Variants in C18orf54 observed in about 807,000 individuals in gnomAD.
C18orf54 encodes chromosome 18 open reading frame 54, also known as lung adenoma susceptibility protein 2.
A neutral mutation model predicts 49.3 loss-of-function variants in C18orf54; 49 were observed. The observed-to-expected ratio is 0.99, with a 90% confidence interval of 0.79 to 1.26. The LOEUF (loss-of-function observed/expected upper bound fraction) is 1.26, where lower values mean the gene tolerates loss of function less well. C18orf54 is among the 50% of genes most tolerant of loss of function. The pLI is 0.00. For missense variants in C18orf54, 687 were observed against 620.6 expected (o/e 1.11, Z -1.14); for synonymous variants, 211 against 216.6 (o/e 0.97, Z 0.23).
At chr18:54,366,081 G>A (rs2089377046) in intron 6 of C18orf54, among the ~76,000 whole-genome samples, 1 of 151,654 alleles carries the variant, frequency 6.6e-6, no homozygotes, top group African/African-American at 2.4e-5. Context: ...ATCAAATCAG[G>A]GTGATTTGCA....
Position 54,362,803 on chromosome 18 carries a change from A to T in C18orf54, c.1105A>T (p.Lys369Ter). Reference sequence around the variant, plus strand: ...AATTGAATTGCTTATCTTGAAGGCCAAGAGAAATCTAGAGCAGTGTACTGA... The same window carrying T: ...AATTGAATTGCTTATCTTGAAGGCCTAGAGAAATCTAGAGCAGTGTACTGA... ...DKIELLILKA[K>*]RNLEQCTEEL... Residue 369 changes from lysine (K) to a stop codon, truncating the protein, a stop_gained, in exon 5 of 9, where the codon AAG becomes TAG. Coordinates refer to ENST00000620105, the MANE Select transcript of C18orf54 (RefSeq NM_001288980.2). LOFTEE classifies it high-confidence loss of function. 1 of 1,609,048 alleles carries T rather than the reference A, an allele frequency of 6.2e-7. No homozygotes were observed. Among genetic ancestry groups the T allele is most frequent in the South Asian group, 1.1e-5 (1 of 89,478 alleles).
In C18orf54 at chr18:54,365,800, C is replaced by A; in HGVS notation, c.1305C>A (p.Asp435Glu). The change falls in exon 6 of 9, where the codon GAC becomes GAA. Residue 435 changes from aspartate (D) to glutamate (E), a missense_variant. Coordinates refer to ENST00000620105, the MANE Select transcript of C18orf54 (RefSeq NM_001288980.2). ...AGAGTGCTAAAGGGGTTCTTGAAGA[C>A]TTTCTAAATAATGATAATCAGGTGG... ...RAKSAKGVLE[D>E]FLNNDNQSCT... The A allele has an allele frequency of 6.4e-7, 1 of 1,573,960 alleles. No individual in the cohort carries two copies. The highest frequency in any genetic ancestry group is 8.7e-7 in the Non-Finnish European group (1 of 1,153,606).
At chr18:54,376,978 G>A (rs933166583) in intron 8 of C18orf54, among the ~76,000 whole-genome samples, 2 of 151,620 alleles carry the variant, frequency 1.3e-5, no homozygotes, top group African/African-American at 4.8e-5. Context: ...CACCATAAAT[G>A]GAAATTACTA....
In C18orf54 at chr18:54,357,973, G is replaced by T. The variant is rs1787821; in HGVS notation, c.-246G>T. The T allele has an allele frequency of 0.067, 10,214 of 152,716 alleles. 382 individuals are homozygous for T. The highest frequency in any genetic ancestry group is 0.087 in the African/African-American group (3,637 of 41,576). The allele number at this position is 152,716 out of a possible 1,614,324, so 9.5% of individuals were successfully genotyped here. ...CTGCTGTGACTGCGGAGGAAGCTGC[G>T]AGTGAGCCGAGCCTGAGGCGGGGCG... On this transcript the variant is annotated 5_prime_UTR_variant, in exon 1 of 9. Coordinates refer to ENST00000620105, the MANE Select transcript of C18orf54 (RefSeq NM_001288980.2).
chr18:54,363,213 T>C (rs1403855451), intron 5 of C18orf54, among the ~76,000 whole-genome samples: 1 of 152,242 alleles, frequency 6.6e-6, no homozygotes, highest in African/African-American at 2.4e-5. Context: ...AACAATTATT[T>C]TGCAGAGTAG....
intron 8 of C18orf54, among the ~76,000 whole-genome samples, chr18:54,375,503 A>G (rs2089555452): frequency 6.7e-6 from 1 of 149,432 alleles, no homozygotes; most frequent in Admixed American, 6.7e-5. Flanking sequence ...TTTGAGGTGA[A>G]TGACCATAAG....
Position 54,365,809 on chromosome 18 carries a change from T to A in C18orf54, c.1314T>A (p.Asn438Lys). 1 of 1,569,986 alleles carries A rather than the reference T, an allele frequency of 6.4e-7. No homozygotes were observed. The highest frequency in any genetic ancestry group is 8.7e-7 in the Non-Finnish European group (1 of 1,149,364). ...SAKGVLEDFL[N>K]NDNQSCTLSG... ...AAGGGGTTCTTGAAGACTTTCTAAATAATGATAATCAGGTGGGTGAAATTA... is the reference window on the plus strand; with the variant it reads ...AAGGGGTTCTTGAAGACTTTCTAAAAAATGATAATCAGGTGGGTGAAATTA... The change falls in exon 6 of 9, where the codon AAT (asparagine) becomes AAA (lysine). Residue 438 changes from asparagine to lysine, a missense_variant. Physicochemically the swap from Asn to Lys is moderately conservative, Grantham distance 94. Transcript: ENST00000620105.
chr18:54,371,963 C>T (rs4940326), intron 6 of C18orf54, among the ~76,000 whole-genome samples: 112,603 of 151,418 alleles, frequency 0.74, 42,274 homozygotes, highest in African/African-American at 0.86. Context: ...ACAAATAAGT[C>T]CAGGGGTAAT....
intron 6 of C18orf54, among the ~76,000 whole-genome samples, chr18:54,366,393 T>A (rs955505191): frequency 2.0e-5 from 3 of 152,066 alleles, no homozygotes; most frequent in Non-Finnish European, 2.9e-5. Flanking sequence ...TTTATCTTTC[T>A]GCTCCTAGCT....
At chr18:54,369,179 T>C (rs1282800564) in intron 6 of C18orf54, among the ~76,000 whole-genome samples, 1 of 152,190 alleles carries the variant, frequency 6.6e-6, no homozygotes, top group Admixed American at 6.5e-5. Context: ...TTTCTTTATC[T>C]GTTTATCTGT....
In C18orf54 at chr18:54,360,595, A is replaced by G. The variant is rs763795358; in HGVS notation, c.23A>G (p.His8Arg). Residue 8 changes from histidine (H) to arginine (R), a missense_variant, in exon 3 of 9, where the codon CAT becomes CGT. Transcript: ENST00000620105. MAKSKTKHRLCSQESSVS... is the reference protein window; with the variant it reads MAKSKTKRRLCSQESSVS... Reference sequence around the variant, plus strand: ...GCCATGGCGAAATCAAAGACAAAACATAGACTTTGTTCTCAGGAATCTTCA... The same window carrying G: ...GCCATGGCGAAATCAAAGACAAAACGTAGACTTTGTTCTCAGGAATCTTCA... 6.8e-6 allele frequency: 11 copies of G among 1,613,944 alleles called. No homozygotes were observed. The highest frequency in any genetic ancestry group is 9.3e-6 in the Non-Finnish European group (11 of 1,179,928).
intron 6 of C18orf54, among the ~76,000 whole-genome samples, chr18:54,368,382 G>A (rs2144736490): frequency 6.6e-6 from 1 of 152,098 alleles, no homozygotes; most frequent in South Asian, 2.1e-4. Context: ...TCATCTGCAG[G>A]TCTTTAGGAT....
rs766788166 is a variant in C18orf54, at chr18:54,361,993, A to C, written c.634A>C (p.Ile212Leu). The change falls in exon 4 of 9, where the codon ATT (isoleucine) becomes CTT (leucine). Residue 212 changes from isoleucine to leucine, a missense_variant. By Grantham distance (5) the Ile-to-Leu change is conservative. Transcript: ENST00000620105. ...ACTTATGAATAGGACTAATAATTGCATTTCTGAATCATCTTTGTCTTTTCC... is the reference window on the plus strand; with the variant it reads ...ACTTATGAATAGGACTAATAATTGCCTTTCTGAATCATCTTTGTCTTTTCC... ...PKLMNRTNNC[I>L]SESSLSFPKK... 1 of 1,612,638 alleles carries C rather than the reference A, an allele frequency of 6.2e-7. No homozygotes were observed. The highest frequency in any genetic ancestry group is 1.7e-5 in the Admixed American group (1 of 59,936).
intron 6 of C18orf54, among the ~76,000 whole-genome samples, chr18:54,370,721 G>C (rs1010335153): frequency 2.0e-5 from 3 of 152,104 alleles, no homozygotes; most frequent in African/African-American, 7.2e-5. Flanking sequence ...ATGTTTTCTA[G>C]TTTTCTGTCT....
At position 54,361,925 on chromosome 18, in the gene C18orf54, C is replaced by G. The variant is rs939950924; in HGVS notation, c.566C>G (p.Ser189Ter). 1.9e-6 allele frequency: 3 copies of G among 1,613,952 alleles called. No individual in the cohort carries two copies. The highest frequency in any genetic ancestry group is 2.5e-6 in the Non-Finnish European group (3 of 1,179,996). Residue 189 changes from serine (S) to a stop codon, truncating the protein, a stop_gained, in exon 4 of 9, where the codon TCA (serine) becomes TGA (stop). Transcript: ENST00000620105. LOFTEE classifies it high-confidence loss of function. ...KDNFVTPVIR[S>*]NINGKQCGRL... ...AACTTTGTTACTCCTGTTATACGCT[C>G]AAATATAAATGGAAAGCAATGTGGT...
chr18:54,361,353 TAGTGTATC>T (rs1698758711), intron 3 of C18orf54, among the ~76,000 whole-genome samples: 2 of 152,296 alleles, frequency 1.3e-5, no homozygotes, highest in South Asian at 4.1e-4. Flanking sequence ...GTGATTGTAT[TAGTGTATC>T]AGATATGTCT....
At chr18:54,363,216 C>T (rs2089307378) in intron 5 of C18orf54, among the ~76,000 whole-genome samples, 1 of 152,164 alleles carries the variant, frequency 6.6e-6, no homozygotes, top group African/African-American at 2.4e-5. Flanking sequence ...AATTATTTTG[C>T]AGAGTAGTGT....
intron 7 of C18orf54, among the ~76,000 whole-genome samples, chr18:54,372,918 G>A (rs2089514437): frequency 6.6e-6 from 1 of 151,756 alleles, no homozygotes; most frequent in African/African-American, 2.4e-5. Flanking sequence ...AATCTATGTG[G>A]CCCATCTTCT....
intron 5 of C18orf54, among the ~76,000 whole-genome samples, chr18:54,364,162 G>C (rs1055734594): frequency 6.7e-6 from 1 of 150,138 alleles, no homozygotes; most frequent in Non-Finnish European, 1.5e-5. Context: ...TTTTAAACTT[G>C]ATTTGATAAT....
Sources: gnomAD v4.1 joint callset for allele counts (sites outside exome capture counted in the v4.1 genomes callset) on GRCh38, gnomAD v4.1.1 for gene constraint, MANE v1.5 for transcripts, NCBI Gene and HGNC (gene_info 2026-07-23, HGNC 2026-07-21) for gene names.